FSTL5: variants seen among roughly 807,000 people sequenced by gnomAD.
The protein encoded by FSTL5 is follistatin-related protein 5.
A neutral mutation model predicts 89.1 loss-of-function variants in FSTL5; 62 were observed. The observed-to-expected ratio is 0.70, with a 90% CI of 0.57 to 0.86. The LOEUF (loss-of-function observed/expected upper bound fraction) is 0.86, where lower values mean the gene tolerates loss of function less well. Ranked by LOEUF, FSTL5 falls within the 40% of genes least tolerant of loss-of-function variation. FSTL5 has a pLI of 0.00. For missense variants in FSTL5, 1,057 were observed against 1,001.6 expected (o/e 1.06, Z -0.75); for synonymous variants, 383 against 346.2 (o/e 1.11, Z -1.18).
At chr4:161,853,830 G>T (rs986726827) in intron 4 of FSTL5, among the ~76,000 whole-genome samples, 4 of 152,088 alleles carry the variant, frequency 2.6e-5, no homozygotes, top group Non-Finnish European at 5.9e-5. Context: ...AAAACAGACT[G>T]GGGGGACATT....
At chr4:161,992,951 T>C (rs1372792668) in intron 3 of FSTL5, among the ~76,000 whole-genome samples, 13 of 5,280 alleles carry the variant, frequency 2.5e-3, no homozygotes, top group African/African-American at 4.6e-3. Context: ...TGTGTGTATA[T>C]CTATATATAT....
intron 2 of FSTL5, among the ~76,000 whole-genome samples, chr4:162,106,277 T>C: frequency 6.6e-6 from 1 of 152,264 alleles, no homozygotes; most frequent in Non-Finnish European, 1.5e-5. Flanking sequence ...TAGTATCTGG[T>C]TAAATAGAGA....
At chr4:161,518,863 G>A (rs1730929325) in intron 10 of FSTL5, among the ~76,000 whole-genome samples, 1 of 152,132 alleles carries the variant, frequency 6.6e-6, no homozygotes, top group African/African-American at 2.4e-5. Context: ...TTCTTGCTCA[G>A]GGTATTTCAT....
intron 3 of FSTL5, among the ~76,000 whole-genome samples, chr4:162,008,617 A>G (rs1054399630): frequency 5.9e-5 from 9 of 151,862 alleles, no homozygotes; most frequent in Non-Finnish European, 7.4e-5. Flanking sequence ...CTGAGCTCAT[A>G]TTATTCAGGA....
intron 7 of FSTL5, among the ~76,000 whole-genome samples, chr4:161,636,515 GGTTA>G (rs1735714175): frequency 6.8e-6 from 1 of 147,444 alleles, no homozygotes; most frequent in Non-Finnish European, 1.5e-5. Flanking sequence ...ACATTGCGCA[GGTTA>G]GTTACATATG....
chr4:162,105,111 T>C (rs951587369), intron 2 of FSTL5, among the ~76,000 whole-genome samples: 5 of 152,192 alleles, frequency 3.3e-5, no homozygotes, highest in African/African-American at 1.2e-4. Context: ...GAAAATTGTA[T>C]ATATTTAAAA....
intron 10 of FSTL5, among the ~76,000 whole-genome samples, chr4:161,528,342 T>A (rs1731299873): frequency 7.0e-6 from 1 of 143,442 alleles, no homozygotes; most frequent in Non-Finnish European, 1.5e-5. Flanking sequence ...TTTAACAACA[T>A]TTCATGTTTA....
chr4:162,132,454 AC>A (rs1732341125), intron 1 of FSTL5, among the ~76,000 whole-genome samples: 1 of 151,966 alleles, frequency 6.6e-6, no homozygotes, highest in African/African-American at 2.4e-5. Flanking sequence ...GAAGGAAGAA[AC>A]TCCGAACACA....
At chr4:161,826,140 A>G (rs1730659403) in intron 4 of FSTL5, among the ~76,000 whole-genome samples, 1 of 152,188 alleles carries the variant, frequency 6.6e-6, no homozygotes, top group Admixed American at 6.5e-5. Flanking sequence ...TATTGACACA[A>G]CTATAATTCA....
At chr4:161,855,013 T>G (rs1731680804) in intron 4 of FSTL5, among the ~76,000 whole-genome samples, 1 of 19,200 alleles carries the variant, frequency 5.2e-5, no homozygotes, top group African/African-American at 1.2e-4. Flanking sequence ...GTTTTTTTTT[T>G]TTTTTTTTTT....
chr4:161,733,947 C>A (rs1739701653), intron 6 of FSTL5, among the ~76,000 whole-genome samples: 1 of 152,034 alleles, frequency 6.6e-6, no homozygotes, highest in South Asian at 2.1e-4. Flanking sequence ...GTCTCAAGGT[C>A]ACTCAAAATT....
At chr4:161,885,799 G>A (rs1255811800) in intron 4 of FSTL5, among the ~76,000 whole-genome samples, 1 of 152,096 alleles carries the variant, frequency 6.6e-6, no homozygotes, top group African/African-American at 2.4e-5. Flanking sequence ...TTTAGGGTTT[G>A]AGTGTGTGGT....
chr4:161,691,438 T>C (rs1737938983), intron 6 of FSTL5, among the ~76,000 whole-genome samples: 1 of 152,172 alleles, frequency 6.6e-6, no homozygotes, highest in Non-Finnish European at 1.5e-5. Context: ...TGTTATATTT[T>C]TGCAGTTTTG....
chr4:161,427,010 AC>A (rs1219335433), intron 15 of FSTL5, among the ~76,000 whole-genome samples: 1 of 152,156 alleles, frequency 6.6e-6, no homozygotes, highest in African/African-American at 2.4e-5. Context: ...AATATAGAAA[AC>A]CAAGTGTTAC....
intron 2 of FSTL5, among the ~76,000 whole-genome samples, chr4:162,102,573 TTA>T (rs1183151066): frequency 6.8e-6 from 1 of 146,158 alleles, no homozygotes; most frequent in Non-Finnish European, 1.5e-5. Context: ...ATTATAATAT[TTA>T]TATATATAAA....
intron 4 of FSTL5, among the ~76,000 whole-genome samples, chr4:161,873,262 C>CATA (rs2126902279): frequency 6.6e-6 from 1 of 151,980 alleles, no homozygotes; most frequent in East Asian, 1.9e-4. Flanking sequence ...AGAATAGTTG[C>CATA]TTGGTGCATT....
intron 4 of FSTL5, among the ~76,000 whole-genome samples, chr4:161,906,264 T>C (rs534272700): frequency 6.6e-6 from 1 of 152,054 alleles, no homozygotes; most frequent in South Asian, 2.1e-4. Flanking sequence ...GCGGTTAAAG[T>C]AAAGAAATTC....
At chr4:161,599,459 C>T (rs1172554915) in intron 7 of FSTL5, among the ~76,000 whole-genome samples, 2 of 152,018 alleles carry the variant, frequency 1.3e-5, no homozygotes, top group Non-Finnish European at 2.9e-5. Context: ...ATGTTTATAG[C>T]ATCATTTTTA....
At chr4:161,508,636 T>C (rs1035577637) in intron 11 of FSTL5, among the ~76,000 whole-genome samples, 2 of 152,178 alleles carry the variant, frequency 1.3e-5, no homozygotes, top group African/African-American at 2.4e-5. Context: ...TGAAAGCTTC[T>C]ATTCTATACT....
Sources: allele counts gnomAD v4.1 joint callset (sites outside exome capture counted in the v4.1 genomes callset), GRCh38; gene constraint gnomAD v4.1.1; transcripts MANE v1.5; gene names NCBI Gene and HGNC (gene_info 2026-07-23, HGNC 2026-07-21).